Variants in STRN4 observed in about 807,000 individuals in gnomAD.
STRN4 encodes striatin-4.
STRN4 carries 27 observed loss-of-function variants against 77.9 expected under a neutral mutation model. The observed-to-expected ratio is 0.35, with a 90% CI of 0.26 to 0.48. STRN4 has a LOEUF of 0.48. Ranked by LOEUF, STRN4 falls within the 20% of genes least tolerant of loss-of-function variation. The pLI is 0.99. For synonymous variants in STRN4, 466 were observed against 443.1 expected (o/e 1.05, Z -0.65); for missense variants, 798 against 1,049.7 (o/e 0.76, Z 3.31).
At chr19:46,727,839 G>A in intron 8 of STRN4, 55 bp downstream of exon 8, 1 of 1,469,286 alleles carries the variant, frequency 6.8e-7, no homozygotes, top group South Asian at 1.3e-5. Context: ...CAGCTCTGCA[G>A]CCTCCCTCTG....
chr19:46,740,913 G>A (rs1250135462), intron 1 of STRN4, among the ~76,000 whole-genome samples: 2 of 152,234 alleles, frequency 1.3e-5, no homozygotes, highest in East Asian at 3.9e-4. Context: ...TTAGCCAGGG[G>A]AGGGAAGGGC....
chr19:46,727,621 CAGAG>C (rs758625402), intron 8 of STRN4, 75 bp from the exon 9 acceptor site: 2 of 1,178,256 alleles, frequency 1.7e-6, no homozygotes, highest in African/African-American at 3.0e-5. Flanking sequence ...GAGAGAATGA[CAGAG>C]AGAGGCAGAG....
intron 16 of STRN4, chr19:46,721,044 TCC>T (rs1222959418): frequency 2.8e-6 from 1 of 358,004 alleles, no homozygotes; most frequent in Non-Finnish European, 5.0e-6. Flanking sequence ...CAGGCAACTC[TCC>T]CTGCCCCGCA....
chr19:46,727,780 G>T, intron 8 of STRN4, 114 bp downstream of exon 8: 1 of 997,458 alleles, frequency 1.0e-6, no homozygotes, highest in Non-Finnish European at 1.4e-6. Flanking sequence ...CAGGGAGGCT[G>T]CAGACTGGAG....
chr19:46,721,065 G>T, intron 16 of STRN4: 1 of 300,422 alleles, frequency 3.3e-6, no homozygotes, highest in Non-Finnish European at 6.1e-6. Flanking sequence ...CAGCACTGAC[G>T]CTGCAGCTGG....
In STRN4 at chr19:46,722,798, C is replaced by A; in HGVS notation, c.1906+12G>T. 6.2e-7 allele frequency: 1 copy of A among 1,613,338 alleles called. No homozygotes were observed. Among genetic ancestry groups the A allele is most frequent in the Non-Finnish European group, 8.5e-7 (1 of 1,179,694 alleles). Reference sequence around the variant, plus strand: ...TGAGACCAATTCCATGAGCTGATGTCAGCCCCCTTACCGCTGCTGCCCCGG... The same window carrying A: ...TGAGACCAATTCCATGAGCTGATGTAAGCCCCCTTACCGCTGCTGCCCCGG... On this transcript the variant is annotated intron_variant, in intron 14 of 17. Transcript: ENST00000263280.
chr19:46,722,976 GCTGAATGGA>G, intron 13 of STRN4, 26 bp from the exon 14 acceptor site: 1 of 1,612,640 alleles, frequency 6.2e-7, no homozygotes, highest in Non-Finnish European at 8.5e-7. Context: ...AGAGAAGGCT[GCTGAATGGA>G]CCCTCAGACC....
At chr19:46,722,200 G>A in intron 15 of STRN4, 42 bp downstream of exon 15, 4 of 1,604,156 alleles carry the variant, frequency 2.5e-6, no homozygotes, top group Non-Finnish European at 3.4e-6. Context: ...GCCTGCCTCT[G>A]GCCCTCCCCA....
chr19:46,733,371 T>C lies in STRN4; in HGVS notation c.540-135A>G. The C allele has an allele frequency of 3.9e-6, 3 of 761,330 alleles. No individual in the cohort carries two copies. The Admixed American group carries it at 7.3e-5, about 18-fold the overall frequency. 47.2% of individuals were successfully genotyped at this position (761,330 alleles called of 1,614,324 possible). A position where few individuals can be genotyped will look rare whatever the true frequency, so the allele number is the denominator to read the frequency against. On this transcript the variant is annotated intron_variant, in intron 4 of 17. Transcript: ENST00000263280. This position sits in a 1 kb window ranked among gnomAD's most constrained non-coding sequence, Gnocchi z 4.3. Reference sequence around the variant, plus strand: ...ACCAAAATCTGACATAAGCACACCCTCGCTCCAGCAGTTCCCCGTCAAGGC... The same window carrying C: ...ACCAAAATCTGACATAAGCACACCCCCGCTCCAGCAGTTCCCCGTCAAGGC...
rs527359662 is a variant in STRN4, at chr19:46,728,215, C to G, written c.1040-208G>C. On this transcript the variant is annotated intron_variant, in intron 7 of 17. Transcript: ENST00000263280. The stretch of plus-strand genomic sequence containing the variant: ...GCAGGTCACTGCCTTGCCTAGGCCT[C>G]AGGCCCCAGCCACCCATCCCACGTA... 7.6e-4 allele frequency: 515 copies of G among 673,362 alleles called. 3 individuals are homozygous for G. The East Asian group carries it at 0.013, about 17-fold the overall frequency. 41.7% of individuals were successfully genotyped at this position (673,362 alleles called of 1,614,324 possible).
In STRN4 at chr19:46,746,437, C is replaced by T. The variant is rs1386181892; in HGVS notation, c.-7G>A. The T allele has an allele frequency of 3.9e-6, 4 of 1,013,042 alleles. No individual in the cohort carries two copies. Among genetic ancestry groups the T allele is most frequent in the African/African-American group, 1.8e-5 (1 of 57,006 alleles). 62.8% of individuals were successfully genotyped at this position (1,013,042 alleles called of 1,614,324 possible). ...CCGCTCGCTCCTCCATCATGGAGGC[C>T]CCGGGGCCGGCCTGCGCGCCCGCTG... On this transcript the variant is annotated 5_prime_UTR_variant, in exon 1 of 18. Transcript: ENST00000263280.
At chr19:46,730,125 G>A (rs2054214216) in intron 6 of STRN4, among the ~76,000 whole-genome samples, 3 of 152,232 alleles carry the variant, frequency 2.0e-5, no homozygotes, top group South Asian at 2.1e-4. Context: ...GTCTGGACCA[G>A]GGGCCAGCAT....
rs2054301888 is a variant in STRN4 at position 46,733,680 on chromosome 19, T to C, written c.540-444A>G. Reference sequence around the variant, plus strand: ...AAAAGGCGTTAATGTGCATAAAGCTTACACCACACGCAAACACACGTTTGT... The same window carrying C: ...AAAAGGCGTTAATGTGCATAAAGCTCACACCACACGCAAACACACGTTTGT... On this transcript the variant is annotated intron_variant, in intron 4 of 17. Transcript: ENST00000263280. This position sits in a 1 kb window ranked among gnomAD's most constrained non-coding sequence, Gnocchi z 4.3. The C allele has an allele frequency of 6.1e-6, 1 of 163,550 alleles. No homozygotes were observed. The highest frequency in any genetic ancestry group is 1.3e-5 in the Non-Finnish European group (1 of 74,218). 10.1% of individuals were successfully genotyped at this position (163,550 alleles called of 1,614,324 possible). A position where few individuals can be genotyped will look rare whatever the true frequency, so the allele number is the denominator to read the frequency against.
intron 4 of STRN4, among the ~76,000 whole-genome samples, chr19:46,734,627 A>G (rs2054321467): frequency 6.6e-6 from 1 of 152,210 alleles, no homozygotes; most frequent in Non-Finnish European, 1.5e-5. Context: ...CTTCAAAGTG[A>G]TGCAACATAA....
rs2054303924 is a variant in STRN4, at chr19:46,733,767, G to T, written c.540-531C>A. On this transcript the variant is annotated intron_variant, in intron 4 of 17. Coordinates refer to ENST00000263280, the MANE Select transcript of STRN4 (RefSeq NM_013403.3). The surrounding 1 kb of genome is among the most constrained non-coding windows in gnomAD (Gnocchi z 4.3). ...AAACATAACAGCAGTGACCTCTGGA[G>T]AATGGGATTAGGGGCGTAAGAGGAA... 6.5e-6 allele frequency: 1 copy of T among 153,084 alleles called. No homozygotes were observed. The highest frequency in any genetic ancestry group is 2.4e-5 in the African/African-American group (1 of 41,462). The allele number at this position is 153,084 out of a possible 1,614,324, so 9.5% of individuals were successfully genotyped here.
At chr19:46,735,226 A>T (rs2054335726) in intron 4 of STRN4, among the ~76,000 whole-genome samples, 1 of 152,100 alleles carries the variant, frequency 6.6e-6, no homozygotes, top group African/African-American at 2.4e-5. Context: ...GAATCACTTG[A>T]ACCCGGGAGG....
In STRN4 at chr19:46,729,281, C is replaced by T. The variant is rs151333260; in HGVS notation, c.880-504G>A. On this transcript the variant is annotated intron_variant, in intron 6 of 17. Transcript: ENST00000263280. ...TAACCCCCAACCCTGCGAACAGCTA[C>T]CGTGAACACTGTCATTATCATTCCC... Among the ~76,000 whole-genome samples, 571 of 152,318 alleles carry T rather than the reference C, an allele frequency of 3.7e-3. 4 individuals carry two copies. Among genetic ancestry groups the T allele is most frequent in the South Asian group, 9.1e-3 (44 of 4,830 alleles).
At chr19:46,726,677 G>A (rs573003727) in intron 9 of STRN4, among the ~76,000 whole-genome samples, 4 of 152,162 alleles carry the variant, frequency 2.6e-5, no homozygotes, top group Non-Finnish European at 5.9e-5. Flanking sequence ...CCCGGAGAGG[G>A]CCAGGTTCCG....
chr19:46,738,778 G>A lies in STRN4; in HGVS notation c.386+7C>T, dbSNP rs1270455691. 1 of 1,613,928 alleles carries A rather than the reference G, an allele frequency of 6.2e-7. No individual in the cohort carries two copies. Among genetic ancestry groups the A allele is most frequent in the Non-Finnish European group, 8.5e-7 (1 of 1,179,890 alleles). On this transcript the variant is annotated splice_region_variant and intron_variant, in intron 2 of 17. Transcript: ENST00000263280. This position sits in a 1 kb window ranked among gnomAD's most constrained non-coding sequence, Gnocchi z 4.5. ...GAAGGCAGGCCCAGGGCAGGATGAAGGCTCACCTTTCCTGCTTCAGCGCAT... is the reference window on the plus strand; with the variant it reads ...GAAGGCAGGCCCAGGGCAGGATGAAAGCTCACCTTTCCTGCTTCAGCGCAT...
Sources: allele counts gnomAD v4.1 joint callset (sites outside exome capture counted in the v4.1 genomes callset), GRCh38; gene constraint gnomAD v4.1.1; non-coding constraint Gnocchi (gnomAD v3.1); transcripts MANE v1.5; gene names NCBI Gene and HGNC (gene_info 2026-07-23, HGNC 2026-07-21).